CCBE1: variants seen among roughly 807,000 people sequenced by gnomAD.
CCBE1 encodes collagen and calcium binding EGF domains 1, also known as collagen and calcium-binding EGF domain-containing protein 1.
CCBE1 carries 37 observed loss-of-function variants against 50.0 expected under a neutral mutation model. The observed-to-expected ratio is 0.74, with a 90% confidence interval of 0.57 to 0.97. The LOEUF (loss-of-function observed/expected upper bound fraction) is 0.97. CCBE1 is among the 50% of genes least tolerant of loss of function. CCBE1 has a pLI of 0.00. For missense variants in CCBE1, 538 were observed against 523.8 expected, an observed-to-expected ratio of 1.03 and a Z score of -0.26; for synonymous variants, 234 against 203.7, an observed-to-expected ratio of 1.15 and a Z score of -1.27.
At chr18:59,470,958 C>T (rs1912003769) in intron 3 of CCBE1, among the ~76,000 whole-genome samples, 1 of 152,224 alleles carries the variant, frequency 6.6e-6, no homozygotes, top group South Asian at 2.1e-4. Context: ...GATTTCAGGC[C>T]TGCTTTGCCT....
At chr18:59,458,631 CA>C (rs1911317238) in intron 5 of CCBE1, among the ~76,000 whole-genome samples, 1 of 152,186 alleles carries the variant, frequency 6.6e-6, no homozygotes, top group South Asian at 2.1e-4. Context: ...TTAGGTCTTT[CA>C]GATTGCTGTG....
intron 6 of CCBE1, among the ~76,000 whole-genome samples, chr18:59,454,392 CCACCACCA>C (rs1911082017): frequency 1.3e-5 from 2 of 152,108 alleles, no homozygotes; most frequent in Admixed American, 1.3e-4. Flanking sequence ...TTACAGGTGC[CCACCACCA>C]CACCCAGCTA....
intron 2 of CCBE1, among the ~76,000 whole-genome samples, chr18:59,599,287 C>T (rs1297241611): frequency 1.3e-5 from 2 of 152,146 alleles, no homozygotes; most frequent in Non-Finnish European, 2.9e-5. Flanking sequence ...AGGTACCATG[C>T]TGGATACCGT....
chr18:59,439,625 C>T (rs200267404), intron 8 of CCBE1, 47 bp from the exon 9 acceptor site: 6 of 1,614,202 alleles, frequency 3.7e-6, no homozygotes, highest in Non-Finnish European at 5.1e-6. Flanking sequence ...AAGCATGGGA[C>T]AAAAACACAT....
chr18:59,548,208 T>C (rs1195588138), intron 2 of CCBE1, among the ~76,000 whole-genome samples: 1 of 152,210 alleles, frequency 6.6e-6, no homozygotes, highest in Non-Finnish European at 1.5e-5. Flanking sequence ...GCCAAGACTA[T>C]GCCCCTTCAC....
intron 2 of CCBE1, among the ~76,000 whole-genome samples, chr18:59,581,334 A>C (rs1412645905): frequency 6.6e-6 from 1 of 151,650 alleles, no homozygotes. Flanking sequence ...CCAGCTACTC[A>C]GGAGGCTGAG....
At chr18:59,554,736 T>G (rs2052631760) in intron 2 of CCBE1, among the ~76,000 whole-genome samples, 2 of 152,216 alleles carry the variant, frequency 1.3e-5, no homozygotes, top group South Asian at 4.1e-4. Flanking sequence ...AGAGATTTTA[T>G]GTGAGAAGGT....
intron 2 of CCBE1, among the ~76,000 whole-genome samples, chr18:59,517,543 G>C (rs1490080120): frequency 1.5e-4 from 23 of 152,190 alleles, no homozygotes; most frequent in Non-Finnish European, 2.9e-5. Flanking sequence ...AGAGCTCACT[G>C]ACTCTCCATC....
chr18:59,553,515 G>A (rs374635641), intron 2 of CCBE1, among the ~76,000 whole-genome samples: 5 of 152,316 alleles, frequency 3.3e-5, no homozygotes, highest in Non-Finnish European at 5.9e-5. Context: ...ATATGGAGTC[G>A]TAGCTGCTGG....
intron 2 of CCBE1, among the ~76,000 whole-genome samples, chr18:59,664,262 T>A (rs566393902): frequency 1.3e-5 from 2 of 152,188 alleles, no homozygotes. Context: ...CCTAATCCCA[T>A]CACCTTAGAG....
intron 2 of CCBE1, among the ~76,000 whole-genome samples, chr18:59,644,577 C>A (rs1414759020): frequency 9.2e-5 from 14 of 152,366 alleles, no homozygotes; most frequent in Middle Eastern, 3.4e-3. Context: ...CTTTATCTAA[C>A]TGAATGCTGC....
intron 2 of CCBE1, among the ~76,000 whole-genome samples, chr18:59,589,238 G>C (rs536894109): frequency 1.3e-5 from 2 of 152,122 alleles, no homozygotes; most frequent in Non-Finnish European, 2.9e-5. Flanking sequence ...AGTTATCTAG[G>C]AGAGGATAGT....
chr18:59,639,942 T>C (rs563937230), intron 2 of CCBE1, among the ~76,000 whole-genome samples: 2 of 151,408 alleles, frequency 1.3e-5, no homozygotes, highest in Admixed American at 6.6e-5. Flanking sequence ...AACAGGGAGG[T>C]GAAAGATCTC....
At chr18:59,615,608 G>C (rs1421617362) in intron 2 of CCBE1, among the ~76,000 whole-genome samples, 1 of 152,094 alleles carries the variant, frequency 6.6e-6, no homozygotes, top group African/African-American at 2.4e-5. Context: ...TCCTAAATTG[G>C]TTTTGAGCAC....
intron 2 of CCBE1, among the ~76,000 whole-genome samples, chr18:59,678,725 G>C (rs1380892689): frequency 6.6e-6 from 1 of 152,080 alleles, no homozygotes; most frequent in Admixed American, 6.6e-5. Flanking sequence ...TAGAGACGGG[G>C]TTTCGCCATG....
chr18:59,515,747 G>A (rs1015186898), intron 2 of CCBE1, among the ~76,000 whole-genome samples: 2 of 152,178 alleles, frequency 1.3e-5, no homozygotes, highest in Non-Finnish European at 2.9e-5. Context: ...GACAGGCTGA[G>A]GTGTCAGGCT....
chr18:59,660,533 T>C (rs940612958), intron 2 of CCBE1, among the ~76,000 whole-genome samples: 9 of 152,192 alleles, frequency 5.9e-5, no homozygotes, highest in African/African-American at 1.7e-4. Flanking sequence ...CAAAGCCTTT[T>C]TGAGCCTAAG....
At chr18:59,462,800 A>T (rs1278377994) in intron 5 of CCBE1, among the ~76,000 whole-genome samples, 1 of 152,228 alleles carries the variant, frequency 6.6e-6, no homozygotes, top group African/African-American at 2.4e-5. Flanking sequence ...ACAGGACCTT[A>T]AGAAAGATAT....
chr18:59,572,564 C>T (rs1226180661), intron 2 of CCBE1, among the ~76,000 whole-genome samples: 1 of 152,112 alleles, frequency 6.6e-6, no homozygotes, highest in Non-Finnish European at 1.5e-5. Context: ...AGTTTTATAT[C>T]ACATTGTTCA....
Sources: allele counts gnomAD v4.1 joint callset (sites outside exome capture counted in the v4.1 genomes callset), GRCh38; gene constraint gnomAD v4.1.1; transcripts MANE v1.5; gene names NCBI Gene and HGNC (gene_info 2026-07-23, HGNC 2026-07-21).